The following AGR3 variants were observed in gnomAD, a reference collection of about 807,000 sequenced individuals.
AGR3 encodes anterior gradient protein 3.
Under a neutral mutation model 24.5 loss-of-function variants are expected in AGR3, and 37 were observed. The observed-to-expected ratio is 1.51, with a 90% CI of 1.16 to 1.99. The LOEUF (loss-of-function observed/expected upper bound fraction) is 1.99, where lower values mean the gene tolerates loss of function less well. Among genes scored for constraint, AGR3 ranks in the 30% most tolerant of loss-of-function variants. The probability of loss-of-function intolerance (pLI) is 0.00; values close to 1 mark genes in which losing one functional copy is unlikely to be tolerated. For missense variants in AGR3, 228 were observed against 191.1 expected (o/e 1.19, Z -1.14); for synonymous variants, 75 against 61.6 (o/e 1.22, Z -1.02).
rs779679397 is a variant in AGR3 at position 16,873,868 on chromosome 7, G to A, written c.110-25C>T. The A allele has an allele frequency of 1.9e-6, 3 of 1,572,110 alleles. No individual in the cohort carries two copies. The South Asian group carries it at 3.3e-5, about 17-fold the overall frequency. ...CCTGAAATAGAAGAGAGAAATCAAT[G>A]CAGTAACCCAGAACTAGAGAAGAGC... is the stretch of plus-strand genomic sequence containing the variant. On this transcript the variant is annotated intron_variant, in intron 2 of 7. Transcript: ENST00000310398.
Position 16,859,482 on chromosome 7 carries a change from C to T in AGR3, c.*100G>A. The T allele has an allele frequency of 2.6e-6, 2 of 771,580 alleles. No individual in the cohort carries two copies. Among genetic ancestry groups the T allele is most frequent in the Admixed American group, 2.9e-5 (1 of 34,596 alleles). 47.8% of individuals were successfully genotyped at this position (771,580 alleles called of 1,614,324 possible). A position where few individuals can be genotyped will look rare whatever the true frequency, so the allele number is the denominator to read the frequency against. ...TTAAAAAAACTAAATAGTAATATTA[C>T]AAAATCTATATACTTGCACATTTAG... On this transcript the variant is annotated 3_prime_UTR_variant, in exon 8 of 8. Transcript: ENST00000310398.
At chr7:16,866,084 T>A (rs112878706) in intron 3 of AGR3, 68 of 596,072 alleles carry the variant, frequency 1.1e-4, no homozygotes, top group Middle Eastern at 3.0e-4. Flanking sequence ...CTAAACCATA[T>A]ATCTGTTCTA....
intron 4 of AGR3, 90 bp downstream of exon 4, chr7:16,862,520 C>T (rs541971777): frequency 4.8e-5 from 35 of 728,852 alleles, no homozygotes; most frequent in African/African-American, 4.7e-4. Context: ...ATTTGCTGAG[C>T]GCCTTCTTAG....
chr7:16,867,217 T>C (rs953210760), intron 3 of AGR3, among the ~76,000 whole-genome samples: 1 of 152,168 alleles, frequency 6.6e-6, no homozygotes, highest in African/African-American at 2.4e-5. Flanking sequence ...GAGATATGGA[T>C]ACAAATTTAT....
At chr7:16,873,237 A>G (rs1044035079) in intron 3 of AGR3, among the ~76,000 whole-genome samples, 2 of 152,180 alleles carry the variant, frequency 1.3e-5, no homozygotes, top group Non-Finnish European at 2.9e-5. Context: ...CATGTTATAT[A>G]TTCACAGTGG....
At chr7:16,866,040 G>T (rs932874356) in intron 3 of AGR3, 7 of 639,362 alleles carry the variant, frequency 1.1e-5, no homozygotes, top group East Asian at 9.4e-5. Flanking sequence ...ATCTACCCAT[G>T]GTTCATTTTC....
intron 5 of AGR3, 45 bp downstream of exon 5, chr7:16,861,939 T>A: frequency 6.8e-7 from 1 of 1,467,822 alleles, no homozygotes; most frequent in Non-Finnish European, 9.3e-7. Flanking sequence ...ATTCAAAATT[T>A]CCATGAAATT....
chr7:16,860,755 G>A (rs2115402912), intron 6 of AGR3, among the ~76,000 whole-genome samples, 172 bp from the exon 7 acceptor site: 1 of 152,262 alleles, frequency 6.6e-6, no homozygotes, highest in Non-Finnish European at 1.5e-5. Context: ...CACCCTAATA[G>A]TGAACATAGT....
intron 5 of AGR3, 64 bp from the exon 6 acceptor site, chr7:16,861,511 A>T: frequency 7.2e-7 from 1 of 1,388,554 alleles, no homozygotes; most frequent in Non-Finnish European, 1.0e-6. Flanking sequence ...TTTCAAGATG[A>T]TTTTGTGTGA....
chr7:16,874,150 T>C (rs555386661), intron 2 of AGR3, among the ~76,000 whole-genome samples: 1 of 152,330 alleles, frequency 6.6e-6, no homozygotes, highest in African/African-American at 2.4e-5. Context: ...ATGTAAAAGC[T>C]GTGGCTTTAG....
intron 3 of AGR3, chr7:16,864,209 C>G: frequency 2.8e-6 from 3 of 1,084,874 alleles, no homozygotes; most frequent in Non-Finnish European, 4.0e-6. Context: ...TGAAGTACCA[C>G]TGAATGAAAC....
At chr7:16,863,714 A>G (rs1781692821) in intron 3 of AGR3, among the ~76,000 whole-genome samples, 1 of 151,920 alleles carries the variant, frequency 6.6e-6, no homozygotes, top group Admixed American at 6.6e-5. Flanking sequence ...TAGATATGCC[A>G]CTGTTCTTTT....
At chr7:16,862,146 A>T in intron 4 of AGR3, 86 bp from the exon 5 acceptor site, 3 of 1,014,240 alleles carry the variant, frequency 3.0e-6, no homozygotes, top group Non-Finnish European at 4.6e-6. Context: ...AATATTTAGC[A>T]TTTGTTTGCA....
intron 2 of AGR3, 35 bp downstream of exon 2, chr7:16,878,475 G>T: frequency 1.3e-6 from 2 of 1,567,106 alleles, no homozygotes; most frequent in South Asian, 2.2e-5. Flanking sequence ...CAATCCAAAT[G>T]ACTGAGTTTA....
intron 6 of AGR3, 80 bp from the exon 7 acceptor site, chr7:16,860,663 T>A: frequency 1.0e-6 from 1 of 966,548 alleles, no homozygotes; most frequent in Non-Finnish European, 1.6e-6. Flanking sequence ...TAATTATTAT[T>A]TTATATGTGG....
chr7:16,860,378 A>T, intron 7 of AGR3, 122 bp downstream of exon 7: 1 of 729,136 alleles, frequency 1.4e-6, no homozygotes, highest in Non-Finnish European at 2.3e-6. Flanking sequence ...GTTGGCATTT[A>T]AACACCACCA....
At chr7:16,875,325 A>G (rs1465048320) in intron 2 of AGR3, among the ~76,000 whole-genome samples, 2 of 152,070 alleles carry the variant, frequency 1.3e-5, no homozygotes, top group African/African-American at 4.8e-5. Context: ...AGATTTGCTT[A>G]TGCTGGACAT....
At chr7:16,858,983 G>A (rs1473655066), downstream of AGR3, among the ~76,000 whole-genome samples, 6 of 152,154 alleles carry the variant, frequency 3.9e-5, no homozygotes, top group Admixed American at 1.3e-4. Context: ...GAAATATGTA[G>A]CTAAAAGTTA....
chr7:16,859,561 A>T lies in AGR3; in HGVS notation c.*21T>A. On this transcript the variant is annotated 3_prime_UTR_variant, in exon 8 of 8. Transcript: ENST00000310398. ...CATGAAATTTGACTTCTTTGAAGTG[A>T]AGGCTTTTTTCCATCATCTCTTATA... 1 of 1,527,212 alleles carries T rather than the reference A, an allele frequency of 6.5e-7. No homozygotes were observed. 94.6% of individuals were successfully genotyped at this position (1,527,212 alleles called of 1,614,324 possible).
Sources: allele counts gnomAD v4.1 joint callset (sites outside exome capture counted in the v4.1 genomes callset), GRCh38; gene constraint gnomAD v4.1.1; transcripts MANE v1.5; gene names NCBI Gene and HGNC (gene_info 2026-07-23, HGNC 2026-07-21).